Variants in COG1 observed in about 807,000 individuals in gnomAD.
The protein encoded by COG1 is conserved oligomeric Golgi complex subunit 1.
A neutral mutation model predicts 102.2 loss-of-function variants in COG1; 61 were observed. The observed-to-expected ratio is 0.60, with a 90% confidence interval of 0.49 to 0.74. COG1 has a LOEUF of 0.74. COG1 is among the 30% of genes least tolerant of loss of function. The pLI is 0.00. For synonymous variants in COG1, 454 were observed against 493.6 expected, an observed-to-expected ratio of 0.92 and a Z score of 1.06; for missense variants, 1,164 against 1,232.1, an observed-to-expected ratio of 0.94 and a Z score of 0.83.
intron 1 of COG1, 170 bp from the exon 2 acceptor site, chr17:73,196,337 A>C: frequency 1.0e-6 from 1 of 980,566 alleles, no homozygotes. Context: ...AACACTCCTG[A>C]CTCTGGCAAC....
chr17:73,203,239 G>A, intron 8 of COG1, 93 bp downstream of exon 8: 1 of 1,477,554 alleles, frequency 6.8e-7, no homozygotes, highest in South Asian at 1.2e-5. Flanking sequence ...AACTTCTGAG[G>A]AATAGCTGAA....
rs368026174 is a variant in COG1 at position 73,203,541 on chromosome 17, C to T, written c.2221-91C>T. On this transcript the variant is annotated intron_variant, in intron 8 of 13. Transcript: ENST00000299886. ...GCTGAGAGGGGTCAAAGTCCTGGCACATAGGCCTTGTAAGATTAAGTGGAT... is the reference window on the plus strand; with the variant it reads ...GCTGAGAGGGGTCAAAGTCCTGGCATATAGGCCTTGTAAGATTAAGTGGAT... 2.3e-5 allele frequency: 34 copies of T among 1,496,170 alleles called. No homozygotes were observed. In the East Asian group the frequency reaches 3.6e-4, roughly 16 times the overall value. 92.7% of individuals were successfully genotyped at this position (1,496,170 alleles called of 1,614,324 possible).
intron 11 of COG1, 77 bp downstream of exon 11, chr17:73,206,339 CG>C (rs1479453365): frequency 9.1e-7 from 1 of 1,098,830 alleles, no homozygotes; most frequent in Non-Finnish European, 1.4e-6. Context: ...TGCTCAAGCA[CG>C]TAATACTCCA....
In COG1 at chr17:73,196,685, G is replaced by A. The variant is rs777018719; in HGVS notation, c.494G>A (p.Arg165Gln). Residue 165 changes from arginine (R) to glutamine (Q), a missense_variant, in exon 2 of 14, where the codon CGA (arginine) becomes CAA (glutamine). Coordinates refer to ENST00000299886, the MANE Select transcript of COG1 (RefSeq NM_018714.3). ...CTCCAGCTGGATTCTTCTAGTTCCC[G>A]ATACAGTCCCGTCCTCTCCCGGTTT... is the stretch of plus-strand genomic sequence containing the variant. The part of the protein sequence containing the change: ...SLLQLDSSSS[R>Q]YSPVLSRFPI... 1.8e-5 allele frequency: 29 copies of A among 1,614,034 alleles called. No individual in the cohort carries two copies. The highest frequency in any genetic ancestry group is 8.8e-5 in the South Asian group (8 of 91,080).
intron 1 of COG1, among the ~76,000 whole-genome samples, chr17:73,196,241 TG>T (rs1355474001): frequency 3.3e-5 from 5 of 152,024 alleles, no homozygotes; most frequent in Non-Finnish European, 5.9e-5. Flanking sequence ...ATGTTGGAGG[TG>T]GGGCCTGGTG....
At chr17:73,197,495 G>A in intron 4 of COG1, 99 bp downstream of exon 4, 1 of 1,318,126 alleles carries the variant, frequency 7.6e-7, no homozygotes, top group Non-Finnish European at 1.1e-6. Context: ...TCTGGGGATG[G>A]AGCAGTGAAC....
At chr17:73,207,362 A>G (rs1425549154) in intron 13 of COG1, 106 bp downstream of exon 13, 1 of 1,027,964 alleles carries the variant, frequency 9.7e-7, no homozygotes. Flanking sequence ...CTGAATGACA[A>G]AATGCACTAA....
Position 73,206,638 on chromosome 17 carries a change from C to CTT in COG1, c.2620-54_2620-53dup, listed in dbSNP as rs75205063. 7.7e-4 allele frequency: 632 copies of CTT among 819,974 alleles called. 1 individual carries two copies. The highest frequency in any genetic ancestry group is 4.7e-3 in the African/African-American group (243 of 52,112). The allele number at this position is 819,974 out of a possible 1,614,324, so 50.8% of individuals were successfully genotyped here. On this transcript the variant is annotated intron_variant, in intron 11 of 13. Coordinates refer to ENST00000299886, the MANE Select transcript of COG1 (RefSeq NM_018714.3). The stretch of plus-strand genomic sequence containing the variant: ...AATACGGTAGCGATGGGTGACTAAC[C>CTT]TTTTTTTTTTTTTTTTTGCCTTTCT...
Position 73,193,250 on chromosome 17 carries a change from G to A in COG1, c.181G>A (p.Glu61Lys), listed in dbSNP as rs937851782. The A allele has an allele frequency of 1.9e-6, 3 of 1,607,784 alleles. No homozygotes were observed. Among genetic ancestry groups the A allele is most frequent in the Non-Finnish European group, 2.5e-6 (3 of 1,177,968 alleles). The change falls in exon 1 of 14, where the codon GAG becomes AAG. Residue 61 changes from glutamate to lysine, a missense_variant. By Grantham distance (56) the Glu-to-Lys change is moderately conservative. Transcript: ENST00000299886. The stretch of plus-strand genomic sequence containing the variant: ...GGGCGAACGGTACCGCGACCTGATC[G>A]AGGCGGCCGACACCATCGGCCAGAT... ...MVGERYRDLI[E>K]AADTIGQMRR...
Position 73,203,649 on chromosome 17 carries a change from G to A in COG1, c.2238G>A (p.Gln746=), listed in dbSNP as rs751705165. The A allele has an allele frequency of 4.3e-6, 7 of 1,614,260 alleles. No individual in the cohort carries two copies. In the East Asian group the frequency reaches 1.3e-4, roughly 31 times the overall value. Reference sequence around the variant, plus strand: ...TCTTTTAGCCGTCCTGGTATGTACAGTCCTTCCTGTTTAGTTTATGCCAGG... The same window carrying A: ...TCTTTTAGCCGTCCTGGTATGTACAATCCTTCCTGTTTAGTTTATGCCAGG... ...RLPAQPSWYV[Q]SFLFSLCQEI... is the part of the protein sequence containing the mutation. Residue 746 remains glutamine, a synonymous_variant, in exon 9 of 14, where the codon CAG becomes CAA. Transcript: ENST00000299886.
chr17:73,206,638 CTTTTTTTTTT>C, intron 11 of COG1, 60 bp from the exon 12 acceptor site: 1 of 820,274 alleles, frequency 1.2e-6, no homozygotes. Flanking sequence ...GGTGACTAAC[CTTTTTTTTTT>C]TTTTTTTGCC....
At chr17:73,202,608 T>A (rs1207279639) in intron 7 of COG1, among the ~76,000 whole-genome samples, 1 of 152,112 alleles carries the variant, frequency 6.6e-6, no homozygotes, top group Non-Finnish European at 1.5e-5. Context: ...GGCAACATGA[T>A]GAAACCCCCT....
intron 9 of COG1, among the ~76,000 whole-genome samples, chr17:73,204,307 A>G (rs980984033): frequency 1.3e-5 from 2 of 152,186 alleles, no homozygotes; most frequent in African/African-American, 2.4e-5. Context: ...TTAGGGCCAA[A>G]TGTGATCCTG....
At position 73,199,332 on chromosome 17, in the gene COG1, C is replaced by T. The variant is rs536033189; in HGVS notation, c.914-533C>T. On this transcript the variant is annotated intron_variant, in intron 4 of 13. Coordinates refer to ENST00000299886, the MANE Select transcript of COG1 (RefSeq NM_018714.3). ...ACAACTTAAGTTCTACTTTGAAAACCCCCAGGACTGCATAGCACTCATTTC... is the reference window on the plus strand; with the variant it reads ...ACAACTTAAGTTCTACTTTGAAAACTCCCAGGACTGCATAGCACTCATTTC... 1.1e-4 allele frequency among the ~76,000 whole-genome samples: 12 copies of T among 110,386 alleles called. No homozygotes were observed. In the South Asian group the frequency reaches 1.1e-3, roughly 10 times the overall value. 72.4% of individuals were successfully genotyped at this position (110,386 alleles called of 152,430 possible). A position where few individuals can be genotyped will look rare whatever the true frequency, so the allele number is the denominator to read the frequency against.
At position 73,201,755 on chromosome 17, in the gene COG1, C is replaced by G; in HGVS notation, c.1928C>G (p.Ala643Gly). The G allele has an allele frequency of 6.2e-7, 1 of 1,614,166 alleles. No homozygotes were observed. Among genetic ancestry groups the G allele is most frequent in the South Asian group, 1.1e-5 (1 of 91,082 alleles). ...LGKSESSEKP[A>G]REFRALRKQG... The stretch of plus-strand genomic sequence containing the variant: ...AAATCAGAGAGCTCAGAGAAACCAG[C>G]AAGGGAGTTTAGGGCTCTGAGAAAA... The change falls in exon 7 of 14, where the codon GCA becomes GGA. Residue 643 changes from alanine (A) to glycine (G), a missense_variant. Coordinates refer to ENST00000299886, the MANE Select transcript of COG1 (RefSeq NM_018714.3).
intron 9 of COG1, chr17:73,205,285 T>G (rs1341449764): frequency 4.7e-6 from 2 of 428,596 alleles, no homozygotes; most frequent in East Asian, 9.4e-5. Context: ...GCAAGGAGCC[T>G]TTTTTTCCCC....
In COG1 at chr17:73,200,618, A is replaced by C; in HGVS notation, c.1123A>C (p.Ser375Arg). The C allele has an allele frequency of 6.2e-7, 1 of 1,614,156 alleles. No homozygotes were observed. Among genetic ancestry groups the C allele is most frequent in the Non-Finnish European group, 8.5e-7 (1 of 1,180,036 alleles). The change falls in exon 6 of 14, where the codon AGC (serine) becomes CGC (arginine). Residue 375 changes from serine to arginine, a missense_variant. Physicochemically the swap from Ser to Arg is moderately radical, Grantham distance 110 (BLOSUM62 -1). Transcript: ENST00000299886. ...GITNLLMYVK[S>R]MKGLAGIRDA... Reference sequence around the variant, plus strand: ...CACCAACCTGCTCATGTACGTGAAGAGCATGAAGGGTCTCGCGGGAATCCG... The same window carrying C: ...CACCAACCTGCTCATGTACGTGAAGCGCATGAAGGGTCTCGCGGGAATCCG...
intron 9 of COG1, among the ~76,000 whole-genome samples, chr17:73,204,063 A>C (rs1347361270): frequency 6.6e-6 from 1 of 152,164 alleles, no homozygotes; most frequent in Non-Finnish European, 1.5e-5. Context: ...TGGGAGGCTG[A>C]GGTGGGAGGA....
rs781020287 is a variant in COG1, at chr17:73,196,617, C to T, written c.426C>T (p.His142=). 32 of 1,614,080 alleles carry T rather than the reference C, an allele frequency of 2.0e-5. No individual in the cohort carries two copies. The highest frequency in any genetic ancestry group is 4.5e-5 in the East Asian group (2 of 44,892). ...CGATGGAAGCCTCTCAGTGTCTCCA[C>T]GCCACACAGCTCTACCTGCTCTGCT... ...WSSMEASQCL[H]ATQLYLLCCH... Residue 142 remains histidine (H), a synonymous_variant, in exon 2 of 14, where the codon CAC becomes CAT. Transcript: ENST00000299886.
Sources: allele counts gnomAD v4.1 joint callset (sites outside exome capture counted in the v4.1 genomes callset), GRCh38; gene constraint gnomAD v4.1.1; transcripts MANE v1.5; gene names NCBI Gene and HGNC (gene_info 2026-07-23, HGNC 2026-07-21).